PTPRT: variants seen among roughly 807,000 people sequenced by gnomAD.
The protein encoded by PTPRT is protein tyrosine phosphatase receptor type T, also known as receptor-type tyrosine-protein phosphatase T.
Under a neutral mutation model 176.8 loss-of-function variants are expected in PTPRT, and 56 were observed. The ratio of observed to expected loss-of-function variants is 0.32; its 90% CI spans 0.26 to 0.40. PTPRT has a LOEUF of 0.40. PTPRT is among the 10% of genes least tolerant of loss of function. The pLI, the probability that PTPRT is intolerant of heterozygous loss-of-function variation, is 1.00. For synonymous variants in PTPRT, 783 were observed against 739.0 expected (o/e 1.06, Z -0.96); for missense variants, 1,540 against 1,908.2 (o/e 0.81, Z 3.60).
At chr20:42,950,120 A>G (rs1419805874) in intron 1 of PTPRT, among the ~76,000 whole-genome samples, 1 of 152,112 alleles carries the variant, frequency 6.6e-6, no homozygotes, top group Admixed American at 6.5e-5. Context: ...GTAATCATTA[A>G]CCATCCCCAA....
intron 1 of PTPRT, among the ~76,000 whole-genome samples, chr20:42,958,021 A>C (rs994891658): frequency 4.6e-5 from 7 of 151,304 alleles, no homozygotes; most frequent in African/African-American, 1.7e-4. Flanking sequence ...GCAGTCAGTC[A>C]AGCAAGGGAC....
chr20:42,506,770 T>C (rs931470563), intron 7 of PTPRT, among the ~76,000 whole-genome samples: 4 of 152,184 alleles, frequency 2.6e-5, no homozygotes, highest in Admixed American at 2.6e-4. Context: ...GGTTACAGAA[T>C]CAATCCGTAC....
At chr20:42,871,897 C>A (rs2078852359) in intron 2 of PTPRT, among the ~76,000 whole-genome samples, 1 of 152,200 alleles carries the variant, frequency 6.6e-6, no homozygotes, top group African/African-American at 2.4e-5. Flanking sequence ...ATGGACACAT[C>A]ATGCTTATAT....
intron 9 of PTPRT, among the ~76,000 whole-genome samples, chr20:42,369,345 C>A (rs574276940): frequency 6.6e-6 from 1 of 152,180 alleles, no homozygotes; most frequent in Admixed American, 6.5e-5. Flanking sequence ...ACCGTGAGAG[C>A]ACTCCAACAA....
At chr20:42,897,629 A>G (rs1047508801) in intron 1 of PTPRT, among the ~76,000 whole-genome samples, 1 of 152,210 alleles carries the variant, frequency 6.6e-6, no homozygotes, top group Non-Finnish European at 1.5e-5. Context: ...AGAAATGCCC[A>G]CCTTGGGTGG....
chr20:42,808,800 C>A (rs2077652004), intron 2 of PTPRT, among the ~76,000 whole-genome samples: 1 of 152,170 alleles, frequency 6.6e-6, no homozygotes, highest in South Asian at 2.1e-4. Context: ...ATAAGGACCA[C>A]AGGAAAAGTC....
intron 9 of PTPRT, among the ~76,000 whole-genome samples, chr20:42,364,664 G>C (rs2058490475): frequency 1.3e-5 from 2 of 152,162 alleles, no homozygotes; most frequent in South Asian, 4.1e-4. Context: ...TGACACTGCT[G>C]TTTATGGAAC....
chr20:42,178,076 A>G (rs1264718176), intron 16 of PTPRT, among the ~76,000 whole-genome samples: 2 of 151,870 alleles, frequency 1.3e-5, no homozygotes, highest in African/African-American at 4.8e-5. Context: ...TAGCTGGGAT[A>G]ACAGGCACCT....
At chr20:42,288,008 AT>A (rs1008289100) in intron 12 of PTPRT, among the ~76,000 whole-genome samples, 5 of 151,976 alleles carry the variant, frequency 3.3e-5, no homozygotes, top group African/African-American at 7.2e-5. Context: ...AGCAAAGTAC[AT>A]TTTTTTGTTA....
At chr20:42,135,491 C>A (rs1236888405) in intron 18 of PTPRT, among the ~76,000 whole-genome samples, 3 of 152,146 alleles carry the variant, frequency 2.0e-5, no homozygotes, top group Non-Finnish European at 4.4e-5. Flanking sequence ...TTCAATATGC[C>A]CTCCAGGTGA....
chr20:42,034,032 A>G, the PTPRT span, among the ~76,000 whole-genome samples: 2 of 152,284 alleles, frequency 1.3e-5, no homozygotes, highest in East Asian at 1.9e-4. Flanking sequence ...TGTTGCGCAT[A>G]CTGACTTACC....
intron 7 of PTPRT, among the ~76,000 whole-genome samples, chr20:42,486,031 A>G (rs562311992): frequency 1.3e-5 from 2 of 152,324 alleles, no homozygotes; most frequent in African/African-American, 2.4e-5. Flanking sequence ...TCACAGTACA[A>G]CAGTAGCTAG....
rs1396668533 is a variant in PTPRT, at chr20:42,225,791, T to C, written c.2342+10438A>G. The stretch of plus-strand genomic sequence containing the variant: ...CCTCGGCCTCCTGAGTATCTGGGAC[T>C]GGAGGTGTGCACCACCCCACCAGGC... On this transcript the variant is annotated intron_variant, in intron 15 of 30. Transcript: ENST00000373187. Among the ~76,000 whole-genome samples the C allele has an allele frequency of 9.8e-5, 15 of 152,294 alleles. No individual in the cohort carries two copies. The East Asian group carries it at 2.5e-3, about 26-fold the overall frequency.
intron 2 of PTPRT, among the ~76,000 whole-genome samples, chr20:42,868,776 T>G (rs2078794481): frequency 6.6e-6 from 1 of 152,184 alleles, no homozygotes; most frequent in Non-Finnish European, 1.5e-5. Context: ...AAGTTGTCAC[T>G]CTCATCACAG....
chr20:42,946,968 G>A (rs1324888246), intron 1 of PTPRT, among the ~76,000 whole-genome samples: 1 of 152,140 alleles, frequency 6.6e-6, no homozygotes, highest in East Asian at 1.9e-4. Context: ...AATGTCATCT[G>A]AGGGTACAAC....
intron 1 of PTPRT, among the ~76,000 whole-genome samples, chr20:42,995,848 G>C (rs145881189): frequency 1.3e-5 from 2 of 151,908 alleles, no homozygotes; most frequent in East Asian, 1.9e-4. Flanking sequence ...AATAGTCAGC[G>C]TATCACTCTG....
chr20:42,988,613 T>C (rs1397381547), intron 1 of PTPRT, among the ~76,000 whole-genome samples: 1 of 152,088 alleles, frequency 6.6e-6, no homozygotes, highest in African/African-American at 2.4e-5. Context: ...GGAAACACAC[T>C]CACACAGGAC....
chr20:42,133,228 G>A (rs1988211819), intron 18 of PTPRT, among the ~76,000 whole-genome samples: 1 of 152,164 alleles, frequency 6.6e-6, no homozygotes, highest in African/African-American at 2.4e-5. Flanking sequence ...TATGATGTTT[G>A]TCAGGTTAGG....
chr20:42,382,967 C>T (rs2058711102), intron 9 of PTPRT, among the ~76,000 whole-genome samples: 1 of 152,118 alleles, frequency 6.6e-6, no homozygotes, highest in South Asian at 2.1e-4. Context: ...CTGAGCTCTG[C>T]AATTACATCT....
Sources: gnomAD v4.1 joint callset for allele counts (sites outside exome capture counted in the v4.1 genomes callset) on GRCh38, gnomAD v4.1.1 for gene constraint, MANE v1.5 for transcripts, NCBI Gene and HGNC (gene_info 2026-07-23, HGNC 2026-07-21) for gene names.